Variants in TENM2 observed in about 807,000 individuals in gnomAD.
The protein encoded by TENM2 is teneurin-2.
A neutral mutation model predicts 245.2 loss-of-function variants in TENM2; 52 were observed. That is an observed-to-expected ratio of 0.21 (90% CI 0.17 to 0.27). The LOEUF is 0.27. TENM2 is among the 10% of genes least tolerant of loss of function. The probability of loss-of-function intolerance (pLI) is 1.00; values close to 1 mark genes in which losing one functional copy is unlikely to be tolerated. For missense variants in TENM2, 3,046 were observed against 3,666.8 expected, an observed-to-expected ratio of 0.83 and a Z score of 4.37; for synonymous variants, 1,363 against 1,438.9, an observed-to-expected ratio of 0.95 and a Z score of 1.19.
intron 1 of TENM2, among the ~76,000 whole-genome samples, chr5:167,374,528 C>A (rs376785763): frequency 7.4e-4 from 113 of 152,130 alleles, no homozygotes; most frequent in African/African-American, 2.6e-3. Context: ...GATAAATGCC[C>A]AGATATTATA....
At chr5:167,183,649 C>A in the TENM2 span, among the ~76,000 whole-genome samples, 1 of 152,056 alleles carries the variant, frequency 6.6e-6, no homozygotes, top group Non-Finnish European at 1.5e-5. Flanking sequence ...AAGAGATCAA[C>A]CAGATTATTT....
At chr5:167,649,069 C>T (rs1275845773) in intron 2 of TENM2, among the ~76,000 whole-genome samples, 2 of 152,084 alleles carry the variant, frequency 1.3e-5, no homozygotes, top group African/African-American at 4.8e-5. Context: ...ATCTGTCACA[C>T]CACAAAGAGT....
the TENM2 span, among the ~76,000 whole-genome samples, chr5:167,264,352 C>T: frequency 2.4e-3 from 360 of 152,226 alleles, 1 homozygote; most frequent in African/African-American, 8.1e-3. Context: ...CTGTCCTCTC[C>T]GTCCAGTCTT....
At chr5:167,817,662 A>G (rs1289537620) in intron 2 of TENM2, among the ~76,000 whole-genome samples, 1 of 152,216 alleles carries the variant, frequency 6.6e-6, no homozygotes, top group African/African-American at 2.4e-5. Context: ...AAATATGTTC[A>G]GTAAAAAGTT....
chr5:167,190,473 A>G, the TENM2 span, among the ~76,000 whole-genome samples: 15 of 152,120 alleles, frequency 9.9e-5, no homozygotes, highest in African/African-American at 3.6e-4. Context: ...TACAGTCCTT[A>G]TATGTTTGGA....
intron 9 of TENM2, among the ~76,000 whole-genome samples, chr5:168,112,272 T>C (rs972992656): frequency 2.0e-5 from 3 of 152,104 alleles, no homozygotes; most frequent in Admixed American, 6.5e-5. Flanking sequence ...GTTCGTTACA[T>C]AGGTAAACTT....
At chr5:167,426,958 A>G (rs746813461) in intron 2 of TENM2, among the ~76,000 whole-genome samples, 33 of 152,236 alleles carry the variant, frequency 2.2e-4, no homozygotes, top group Non-Finnish European at 4.0e-4. Flanking sequence ...CTACAAGGAC[A>G]GATGTGCTCT....
At chr5:167,131,252 G>T in the TENM2 span, among the ~76,000 whole-genome samples, 4 of 152,232 alleles carry the variant, frequency 2.6e-5, no homozygotes, top group East Asian at 7.7e-4. Context: ...ATACATGGAT[G>T]ACTTATTTTC....
At chr5:167,826,374 GC>G (rs1221496233) in intron 2 of TENM2, among the ~76,000 whole-genome samples, 5 of 152,004 alleles carry the variant, frequency 3.3e-5, no homozygotes, top group African/African-American at 4.8e-5. Flanking sequence ...CTATATTTTT[GC>G]AGAGCAGCTC....
chr5:167,014,980 A>G, the TENM2 span, among the ~76,000 whole-genome samples: 1 of 152,172 alleles, frequency 6.6e-6, no homozygotes, highest in African/African-American at 2.4e-5. Context: ...AAAAGGTTCT[A>G]AAAAATTTAT....
chr5:167,190,571 G>A, the TENM2 span, among the ~76,000 whole-genome samples: 1 of 152,026 alleles, frequency 6.6e-6, no homozygotes, highest in Non-Finnish European at 1.5e-5. Context: ...TGTAAAACGG[G>A]TGTCTAATAA....
At chr5:168,198,153 A>G (rs1289287368) in intron 15 of TENM2, among the ~76,000 whole-genome samples, 1 of 151,174 alleles carries the variant, frequency 6.6e-6, no homozygotes, top group Non-Finnish European at 1.5e-5. Context: ...TAAAAGATAC[A>G]TAAACAAATG....
intron 2 of TENM2, among the ~76,000 whole-genome samples, chr5:167,481,965 A>G (rs1192220776): frequency 6.6e-6 from 1 of 152,158 alleles, no homozygotes; most frequent in Non-Finnish European, 1.5e-5. Context: ...CTAGACCTTT[A>G]CAGAGAAAGT....
chr5:167,139,608 T>C, the TENM2 span, among the ~76,000 whole-genome samples: 1 of 152,228 alleles, frequency 6.6e-6, no homozygotes, highest in African/African-American at 2.4e-5. Flanking sequence ...AATGTAAACA[T>C]TTTTCCTTAG....
intron 2 of TENM2, among the ~76,000 whole-genome samples, chr5:167,458,757 C>T (rs910866090): frequency 1.3e-5 from 2 of 152,098 alleles, no homozygotes; most frequent in Non-Finnish European, 2.9e-5. Context: ...TACAACACCT[C>T]TATGAAGAAA....
intron 10 of TENM2, among the ~76,000 whole-genome samples, chr5:168,123,403 G>A (rs1354425907): frequency 2.6e-5 from 4 of 152,192 alleles, no homozygotes; most frequent in African/African-American, 9.7e-5. Flanking sequence ...ACAGAAAGCT[G>A]AGACCCTGAG....
chr5:167,291,040 G>T (rs1446909507), intron 1 of TENM2, among the ~76,000 whole-genome samples: 1 of 152,006 alleles, frequency 6.6e-6, no homozygotes, highest in African/African-American at 2.4e-5. Flanking sequence ...TATATTTTTT[G>T]ATAACTTTAG....
At chr5:167,266,274 G>T in the TENM2 span, among the ~76,000 whole-genome samples, 1 of 152,042 alleles carries the variant, frequency 6.6e-6, no homozygotes, top group Admixed American at 6.6e-5. Flanking sequence ...AAACACTGGG[G>T]TATAAGAAGA....
At chr5:167,896,078 G>A (rs6872945) in intron 3 of TENM2, among the ~76,000 whole-genome samples, 1 of 152,214 alleles carries the variant, frequency 6.6e-6, no homozygotes, top group Admixed American at 6.5e-5. Flanking sequence ...GAGTCAGCAG[G>A]TCAGGCAGTC....
Sources: allele counts gnomAD v4.1 joint callset (sites outside exome capture counted in the v4.1 genomes callset), GRCh38; gene constraint gnomAD v4.1.1; transcripts MANE v1.5; gene names NCBI Gene and HGNC (gene_info 2026-07-23, HGNC 2026-07-21).